Variants in CCDC88A observed in about 807,000 individuals in gnomAD.
CCDC88A encodes coiled-coil and HOOK domain protein 88A, also known as girdin.
A neutral mutation model predicts 234.3 loss-of-function variants in CCDC88A; 54 were observed. The ratio of observed to expected loss-of-function variants is 0.23; its 90% CI spans 0.19 to 0.29. CCDC88A has a LOEUF of 0.29. Among genes scored for constraint, CCDC88A ranks in the 10% least tolerant of loss-of-function variants. The probability of loss-of-function intolerance (pLI) is 1.00; values close to 1 mark genes in which losing one functional copy is unlikely to be tolerated. For synonymous variants in CCDC88A, 753 were observed against 737.8 expected, an observed-to-expected ratio of 1.02 and a Z score of -0.33; for missense variants, 1,832 against 2,123.4, an observed-to-expected ratio of 0.86 and a Z score of 2.70.
At chr2:55,355,330 T>C (rs1377450450) in intron 8 of CCDC88A, 4 of 344,800 alleles carry the variant, frequency 1.2e-5, no homozygotes, top group Non-Finnish European at 2.1e-5. Flanking sequence ...ATTTGCCAAA[T>C]GAGGACATTA....
intron 7 of CCDC88A, among the ~76,000 whole-genome samples, chr2:55,361,534 T>C (rs2104783056): frequency 6.6e-6 from 1 of 152,330 alleles, no homozygotes; most frequent in South Asian, 2.1e-4. Flanking sequence ...TCTTTAGGAA[T>C]TTTCTCTATG....
At chr2:55,416,257 C>T (rs964857718) in intron 2 of CCDC88A, among the ~76,000 whole-genome samples, 2 of 150,680 alleles carry the variant, frequency 1.3e-5, no homozygotes, top group African/African-American at 4.9e-5. Context: ...TAAGAGCAGA[C>T]TAAACATTAT....
intron 17 of CCDC88A, among the ~76,000 whole-genome samples, chr2:55,325,515 T>G (rs748485328): frequency 2.1e-4 from 32 of 152,208 alleles, no homozygotes; most frequent in Non-Finnish European, 3.4e-4. Context: ...TCTGTATGCC[T>G]TTCATTTCTT....
chr2:55,418,052 G>A (rs985750881), intron 2 of CCDC88A: 8 of 152,094 alleles, frequency 5.3e-5, no homozygotes, highest in African/African-American at 1.4e-4. Flanking sequence ...TAATTTTACT[G>A]ATCCAGCTAC....
intron 9 of CCDC88A, 172 bp downstream of exon 9, chr2:55,349,346 G>T: frequency 1.7e-6 from 1 of 582,048 alleles, no homozygotes; most frequent in Non-Finnish European, 3.0e-6. Flanking sequence ...AAGAAAGTTT[G>T]GCTCTGACAT....
chr2:55,295,642 C>A lies in CCDC88A; in HGVS notation c.5506G>T (p.Asp1836Tyr). ...CTGTCAGCAGCAGCTGGTGGTGAATCAACTGATATAGGCAGTCTACTGTCC... is the reference window on the plus strand; with the variant it reads ...CTGTCAGCAGCAGCTGGTGGTGAATAAACTGATATAGGCAGTCTACTGTCC... ...TKDSRLPISV[D>Y]SPPAAADSNT... Residue 1836 changes from aspartate (D) to tyrosine (Y), a missense_variant, in exon 31 of 33, where the codon GAT becomes TAT. By Grantham distance (160) the Asp-to-Tyr change is radical. This residue lies in a region of CCDC88A where 422 missense variants were observed against 416.5 expected (regional missense o/e 1.01). Coordinates refer to ENST00000436346, the MANE Select transcript of CCDC88A (RefSeq NM_001365480.1). 1.2e-6 allele frequency: 2 copies of A among 1,614,164 alleles called. No individual in the cohort carries two copies. The highest frequency in any genetic ancestry group is 1.7e-6 in the Non-Finnish European group (2 of 1,180,026).
rs1449492732 is a variant in CCDC88A, at chr2:55,334,913, A to G, written c.1908T>C (p.His636=). The change falls in exon 15 of 33, where the codon CAT becomes CAC. Residue 636 remains histidine, a synonymous_variant. Transcript: ENST00000436346. The surrounding 1 kb of genome is among the most constrained non-coding windows in gnomAD (Gnocchi z 6.1). The part of the protein sequence containing the change: ...RAEELENELH[H]LEKENELLQK... Reference sequence around the variant, plus strand: ...GTAATAATTCATTTTCTTTTTCAAGATGATGCAATTCATTTTCAAGTTCTT... The same window carrying G: ...GTAATAATTCATTTTCTTTTTCAAGGTGATGCAATTCATTTTCAAGTTCTT... 15 of 1,518,332 alleles carry G rather than the reference A, an allele frequency of 9.9e-6. No homozygotes were observed. The highest frequency in any genetic ancestry group is 1.3e-5 in the Non-Finnish European group (14 of 1,119,552). 94.1% of individuals were successfully genotyped at this position (1,518,332 alleles called of 1,614,324 possible).
chr2:55,373,366 C>T (rs775988952), intron 4 of CCDC88A, among the ~76,000 whole-genome samples: 10 of 152,178 alleles, frequency 6.6e-5, no homozygotes, highest in Admixed American at 3.9e-4. Flanking sequence ...CTCCTCATCC[C>T]CCTAGTGAAC....
At chr2:55,378,472 C>T (rs1307478829) in intron 3 of CCDC88A, among the ~76,000 whole-genome samples, 1 of 152,086 alleles carries the variant, frequency 6.6e-6, no homozygotes, top group Non-Finnish European at 1.5e-5. Context: ...TAAATTTTAG[C>T]TCCATGATGT....
At chr2:55,377,342 G>C (rs1673837101) in intron 3 of CCDC88A, among the ~76,000 whole-genome samples, 1 of 150,934 alleles carries the variant, frequency 6.6e-6, no homozygotes, top group Admixed American at 6.6e-5. Context: ...ATTTGTTATA[G>C]AGACAAGGTC....
chr2:55,380,617 T>A (rs1213738960), intron 3 of CCDC88A, among the ~76,000 whole-genome samples: 2 of 152,020 alleles, frequency 1.3e-5, no homozygotes, highest in East Asian at 3.9e-4. Context: ...TTTTAAAAAT[T>A]TTTTCTTTAT....
intron 2 of CCDC88A, among the ~76,000 whole-genome samples, chr2:55,415,065 CAAA>C (rs34977470): frequency 1.6e-5 from 2 of 123,096 alleles, no homozygotes; most frequent in African/African-American, 3.2e-5. Context: ...GACTCTGTTT[CAAA>C]AAAAAAAAAA....
At chr2:55,367,201 G>A (rs370900191) in intron 5 of CCDC88A, among the ~76,000 whole-genome samples, 1 of 152,186 alleles carries the variant, frequency 6.6e-6, no homozygotes, top group African/African-American at 2.4e-5. Flanking sequence ...TAGAACAATC[G>A]AATTCATAGA....
At position 55,309,423 on chromosome 2, in the gene CCDC88A, T is replaced by C. The variant is rs905559445; in HGVS notation, c.4080-169A>G. Among the ~76,000 whole-genome samples, 1 of 152,138 alleles carries C rather than the reference T, an allele frequency of 6.6e-6. No individual in the cohort carries two copies. Among genetic ancestry groups the C allele is most frequent in the African/African-American group, 2.4e-5 (1 of 41,464 alleles). ...GTAGTTAACAATGGGAATTTTTCCA[T>C]GTTTCTCCTTTTTTAAAAATTTACA... On this transcript the variant is annotated intron_variant, in intron 23 of 32. Coordinates refer to ENST00000436346, the MANE Select transcript of CCDC88A (RefSeq NM_001365480.1). This position sits in a 1 kb window ranked among gnomAD's most constrained non-coding sequence, Gnocchi z 5.1.
chr2:55,398,805 CAGTGGACTGTGATT>C lies in CCDC88A; in HGVS notation c.165-9933_165-9920del, dbSNP rs1678074819. On this transcript the variant is annotated intron_variant, in intron 2 of 32. Coordinates refer to ENST00000436346, the MANE Select transcript of CCDC88A (RefSeq NM_001365480.1). The stretch of plus-strand genomic sequence containing the variant: ...GCTTGAGCCCAGGAGTTTGAGGCTG[CAGTGGACTGTGATT>C]ATACCATCGCACTCCCACCTGGGTG... Among the ~76,000 whole-genome samples, 3 of 151,788 alleles carry C rather than the reference CAGTGGACTGTGATT, an allele frequency of 2.0e-5. No homozygotes were observed. In the South Asian group the frequency reaches 6.2e-4, roughly 32 times the overall value.
At chr2:55,372,533 G>A (rs1361953839) in intron 4 of CCDC88A, 23 bp from the exon 5 acceptor site, 1 of 1,130,404 alleles carries the variant, frequency 8.8e-7, no homozygotes, top group East Asian at 2.4e-5. Flanking sequence ...CAATTATTAA[G>A]GACAACATTC....
At chr2:55,319,309 A>T (rs1204170711) in intron 18 of CCDC88A, among the ~76,000 whole-genome samples, 1 of 152,202 alleles carries the variant, frequency 6.6e-6, no homozygotes, top group Non-Finnish European at 1.5e-5. Context: ...AAAACTAGAA[A>T]GGAATTGTCA....
At chr2:55,381,729 C>T (rs1437870545) in intron 3 of CCDC88A, among the ~76,000 whole-genome samples, 3 of 152,088 alleles carry the variant, frequency 2.0e-5, no homozygotes, top group African/African-American at 7.2e-5. Context: ...TTCCTTCTTC[C>T]AAGAAATTAT....
intron 7 of CCDC88A, among the ~76,000 whole-genome samples, chr2:55,361,604 G>A (rs1339997793): frequency 6.6e-6 from 1 of 152,118 alleles, no homozygotes; most frequent in East Asian, 1.9e-4. Flanking sequence ...GCTCAAAACT[G>A]TCTCTCACAT....
Sources: gnomAD v4.1 joint callset for allele counts (sites outside exome capture counted in the v4.1 genomes callset) on GRCh38, gnomAD v4.1.1 for gene constraint, gnomAD v4.1.1 regional missense constraint, Gnocchi (gnomAD v3.1) non-coding constraint, MANE v1.5 for transcripts, NCBI Gene and HGNC (gene_info 2026-07-23, HGNC 2026-07-21) for gene names.